Variants in DOCK2 observed in about 807,000 individuals in gnomAD.
DOCK2 encodes the protein dedicator of cytokinesis protein 2.
DOCK2 carries 87 observed loss-of-function variants against 248.9 expected under a neutral mutation model. That is an observed-to-expected ratio of 0.35 (90% CI 0.29 to 0.42). The LOEUF is 0.42. Ranked by LOEUF, DOCK2 falls within the 10% of genes least tolerant of loss-of-function variation. The pLI is 1.00. For synonymous variants in DOCK2, 805 were observed against 821.6 expected (o/e 0.98, Z 0.35); for missense variants, 1,747 against 2,300.2 (o/e 0.76, Z 4.92).
At chr5:169,671,484 G>T (rs1026068403) in intron 5 of DOCK2, among the ~76,000 whole-genome samples, 12 of 152,158 alleles carry the variant, frequency 7.9e-5, no homozygotes, top group African/African-American at 2.9e-4. Context: ...TTCCTCCCAA[G>T]GGGTTTAATA....
chr5:169,723,106 C>T (rs1364581518), intron 22 of DOCK2, among the ~76,000 whole-genome samples: 1 of 152,192 alleles, frequency 6.6e-6, no homozygotes, highest in African/African-American at 2.4e-5. Context: ...TCTTTGCATC[C>T]TGCCTTCTGC....
intron 8 of DOCK2, 76 bp downstream of exon 8, chr5:169,684,426 A>T: frequency 6.5e-7 from 1 of 1,534,076 alleles, no homozygotes. Flanking sequence ...TTCCATCCTC[A>T]CTTGTGGAGC....
At chr5:169,891,830 T>C (rs1233816025) in intron 27 of DOCK2, among the ~76,000 whole-genome samples, 1 of 151,550 alleles carries the variant, frequency 6.6e-6, no homozygotes, top group Non-Finnish European at 1.5e-5. Context: ...ACATCTCTAC[T>C]AAAAATACAA....
At chr5:170,030,987 CAT>C (rs953305055) in intron 34 of DOCK2, among the ~76,000 whole-genome samples, 2 of 152,238 alleles carry the variant, frequency 1.3e-5, no homozygotes. Flanking sequence ...TTTCAGTCCT[CAT>C]GTGCTCTGCG....
chr5:169,921,871 C>T (rs1447801231), intron 27 of DOCK2, among the ~76,000 whole-genome samples: 8 of 152,166 alleles, frequency 5.3e-5, no homozygotes, highest in Non-Finnish European at 1.5e-5. Flanking sequence ...TACCCTTTTA[C>T]TGAAGGAACA....
chr5:169,809,086 G>A (rs1389391252), intron 26 of DOCK2, among the ~76,000 whole-genome samples: 1 of 151,970 alleles, frequency 6.6e-6, no homozygotes, highest in Non-Finnish European at 1.5e-5. Context: ...CCACCTCCTG[G>A]CTCAAGCAAT....
At chr5:169,651,925 C>A (rs1241378470) in intron 1 of DOCK2, among the ~76,000 whole-genome samples, 2 of 152,214 alleles carry the variant, frequency 1.3e-5, no homozygotes, top group African/African-American at 2.4e-5. Flanking sequence ...CTACACAAAG[C>A]TCTGGAGGAG....
rs955498122 is a variant in DOCK2 at position 169,763,272 on chromosome 5, T to C, written c.2554+1647T>C. ...ATAAATTTCCCTCACCCCAAAAGCA[T>C]TGAAATATGTCTGCCCCTTCCTGCC... On this transcript the variant is annotated intron_variant, in intron 25 of 51. Transcript: ENST00000520908. The surrounding 1 kb of genome is among the most constrained non-coding windows in gnomAD (Gnocchi z 4.1). Among the ~76,000 whole-genome samples the C allele has an allele frequency of 2.0e-5, 3 of 152,186 alleles. No homozygotes were observed. The highest frequency in any genetic ancestry group is 4.4e-5 in the Non-Finnish European group (3 of 68,028).
intron 27 of DOCK2, among the ~76,000 whole-genome samples, chr5:169,866,946 T>C (rs1397435112): frequency 3.3e-5 from 5 of 152,154 alleles, no homozygotes; most frequent in African/African-American, 4.8e-5. Flanking sequence ...ATTCCATAGA[T>C]TGGGGGCTCA....
intron 6 of DOCK2, among the ~76,000 whole-genome samples, chr5:169,676,776 TTC>T (rs1479365276): frequency 6.6e-6 from 1 of 152,192 alleles, no homozygotes; most frequent in Non-Finnish European, 1.5e-5. Flanking sequence ...AGCTTGTTTC[TTC>T]TCTCATTCAT....
chr5:170,047,214 A>T (rs1026627907), intron 39 of DOCK2, among the ~76,000 whole-genome samples: 2 of 152,194 alleles, frequency 1.3e-5, no homozygotes, highest in African/African-American at 4.8e-5. Flanking sequence ...CTCCATGCTT[A>T]CTGGCTGCTT....
chr5:170,035,716 A>G (rs1397336176), intron 35 of DOCK2, among the ~76,000 whole-genome samples: 1 of 151,986 alleles, frequency 6.6e-6, no homozygotes, highest in Non-Finnish European at 1.5e-5. Flanking sequence ...GTGGGGATGG[A>G]GGTGGTATCA....
rs1254809594 is a variant in DOCK2 at position 169,674,308 on chromosome 5, G to A, written c.333G>A (p.Lys111=). Residue 111 remains lysine (K), a synonymous_variant, in exon 6 of 52, where the codon AAG becomes AAA. Coordinates refer to ENST00000520908, the MANE Select transcript of DOCK2 (RefSeq NM_004946.3). ...TTCTTGTCTCCTAGGCCAGCAAAAA[G>A]GAGCGTTTTCTCCAGGTGCAGTCCA... The part of the protein sequence containing the change: ...IWKQLYVASK[K]ERFLQVQSMM... The A allele has an allele frequency of 6.2e-7, 1 of 1,614,036 alleles. No homozygotes were observed. Among genetic ancestry groups the A allele is most frequent in the Admixed American group, 1.7e-5 (1 of 60,000 alleles).
chr5:169,861,143 G>A (rs941764994), intron 27 of DOCK2, among the ~76,000 whole-genome samples: 4 of 152,092 alleles, frequency 2.6e-5, no homozygotes, highest in East Asian at 1.9e-4. Flanking sequence ...TGTGATCATC[G>A]TGACACTAAG....
chr5:170,079,186 C>T (rs1480329667), intron 49 of DOCK2, 40 bp downstream of exon 49: 2 of 1,595,060 alleles, frequency 1.3e-6, no homozygotes, highest in Non-Finnish European at 1.7e-6. Context: ...GCGCTGTTAG[C>T]ACATTTCCAC....
intron 22 of DOCK2, among the ~76,000 whole-genome samples, chr5:169,725,594 G>A (rs1429472401): frequency 6.6e-6 from 1 of 152,050 alleles, no homozygotes. Flanking sequence ...TGCCATGTTG[G>A]TTTGCTGCAC....
chr5:170,042,189 C>G, intron 38 of DOCK2, 57 bp downstream of exon 38: 1 of 1,527,734 alleles, frequency 6.5e-7, no homozygotes, highest in Admixed American at 2.0e-5. Context: ...GGATGGTTCT[C>G]TCCCATACCT....
intron 28 of DOCK2, among the ~76,000 whole-genome samples, chr5:169,984,477 T>C (rs988307530): frequency 3.9e-5 from 6 of 152,234 alleles, no homozygotes; most frequent in Non-Finnish European, 8.8e-5. Context: ...GTAGATATTA[T>C]TCCCATTCTG....
At chr5:169,902,865 C>T (rs952414800) in intron 27 of DOCK2, among the ~76,000 whole-genome samples, 9 of 151,924 alleles carry the variant, frequency 5.9e-5, no homozygotes, top group African/African-American at 1.2e-4. Flanking sequence ...TTTGGGAGGC[C>T]GAGGCAGGCG....
Sources: gnomAD v4.1 joint callset for allele counts (sites outside exome capture counted in the v4.1 genomes callset) on GRCh38, gnomAD v4.1.1 for gene constraint, Gnocchi (gnomAD v3.1) non-coding constraint, MANE v1.5 for transcripts, NCBI Gene and HGNC (gene_info 2026-07-23, HGNC 2026-07-21) for gene names.